SORBS2: variants seen among roughly 807,000 people sequenced by gnomAD.
SORBS2 encodes the protein sorbin and SH3 domain-containing protein 2.
A neutral mutation model predicts 97.7 loss-of-function variants in SORBS2; 46 were observed. The observed-to-expected ratio is 0.47, with a 90% CI of 0.37 to 0.60. SORBS2 has a LOEUF of 0.60. SORBS2 is among the 20% of genes least tolerant of loss of function. The probability of loss-of-function intolerance (pLI) is 0.00; values close to 1 mark genes in which losing one functional copy is unlikely to be tolerated. For missense variants in SORBS2, 1,316 were observed against 1,282.3 expected, an observed-to-expected ratio of 1.03 and a Z score of -0.40; for synonymous variants, 476 against 473.4, an observed-to-expected ratio of 1.01 and a Z score of -0.07.
At chr4:185,931,998 CTCTCTA>C (rs2099266708) in intron 1 of SORBS2, among the ~76,000 whole-genome samples, 1 of 150,392 alleles carries the variant, frequency 6.6e-6, no homozygotes, top group African/African-American at 2.4e-5. Flanking sequence ...CTCTCTCTCT[CTCTCTA>C]TATATATATA....
At chr4:185,590,044 A>G (rs2095885034) in intron 13 of SORBS2, among the ~76,000 whole-genome samples, 1 of 152,222 alleles carries the variant, frequency 6.6e-6, no homozygotes, top group African/African-American at 2.4e-5. Context: ...TATCCATGAA[A>G]ATTGTAACAT....
chr4:185,877,883 A>AAAAAAAG (rs1344109012), intron 1 of SORBS2, among the ~76,000 whole-genome samples: 65 of 145,248 alleles, frequency 4.5e-4, no homozygotes, highest in African/African-American at 8.2e-4. Context: ...ACAAAAAAAA[A>AAAAAAAG]AAAGAAAGAA....
chr4:185,785,673 G>A (rs1040882526), intron 1 of SORBS2, among the ~76,000 whole-genome samples: 2 of 152,112 alleles, frequency 1.3e-5, no homozygotes, highest in Non-Finnish European at 2.9e-5. Flanking sequence ...TAATTGTTGT[G>A]AGGCTTAAAT....
At chr4:185,727,162 C>T (rs1174045017) in intron 2 of SORBS2, among the ~76,000 whole-genome samples, 1 of 152,160 alleles carries the variant, frequency 6.6e-6, no homozygotes, top group Non-Finnish European at 1.5e-5. Flanking sequence ...TCCATGGCTA[C>T]TAAACGAGTC....
At chr4:185,757,805 A>G (rs1289615572) in intron 2 of SORBS2, among the ~76,000 whole-genome samples, 1 of 152,238 alleles carries the variant, frequency 6.6e-6, no homozygotes, top group African/African-American at 2.4e-5. Flanking sequence ...CTCTCCAGCT[A>G]GATCTATACA....
chr4:185,926,943 C>T (rs2099263995), intron 1 of SORBS2, among the ~76,000 whole-genome samples: 1 of 151,852 alleles, frequency 6.6e-6, no homozygotes, highest in Non-Finnish European at 1.5e-5. Flanking sequence ...CTATATAAGC[C>T]ACAAGCCAAG....
chr4:185,858,689 T>C (rs7660468), intron 1 of SORBS2, among the ~76,000 whole-genome samples: 82,717 of 152,042 alleles, frequency 0.54, 22,993 homozygotes, highest in East Asian at 0.79. Context: ...ACCATGATGA[T>C]TAAGATCAAA....
chr4:185,664,046 G>C (rs1297970829), intron 4 of SORBS2, among the ~76,000 whole-genome samples: 1 of 151,414 alleles, frequency 6.6e-6, no homozygotes, highest in Non-Finnish European at 1.5e-5. Flanking sequence ...AGTAGAGACG[G>C]GGTTTCACCA....
chr4:185,850,443 C>G (rs181936942), intron 1 of SORBS2, among the ~76,000 whole-genome samples: 2 of 152,248 alleles, frequency 1.3e-5, no homozygotes, highest in Admixed American at 1.3e-4. Context: ...GAGACCCAAG[C>G]AAATGACAGC....
chr4:185,789,559 A>C (rs2099071247), intron 1 of SORBS2, among the ~76,000 whole-genome samples: 1 of 150,852 alleles, frequency 6.6e-6, no homozygotes, highest in Non-Finnish European at 1.5e-5. Context: ...CAAGAAATTA[A>C]ATATAATTTC....
intron 1 of SORBS2, among the ~76,000 whole-genome samples, chr4:185,863,389 C>G (rs945329786): frequency 6.6e-6 from 1 of 152,154 alleles, no homozygotes; most frequent in African/African-American, 2.4e-5. Context: ...CAGTACTGTG[C>G]AACGTCCTAT....
chr4:185,868,147 C>CTTTTTT (rs372271322), intron 1 of SORBS2, among the ~76,000 whole-genome samples: 3 of 89,766 alleles, frequency 3.3e-5, no homozygotes, highest in African/African-American at 4.8e-5. Context: ...CTTTTCTTTT[C>CTTTTTT]TTTTTTTCTT....
intron 1 of SORBS2, among the ~76,000 whole-genome samples, chr4:185,949,265 T>C (rs958651667): frequency 1.3e-5 from 2 of 152,130 alleles, no homozygotes; most frequent in Non-Finnish European, 2.9e-5. Flanking sequence ...GGTAGGCAGG[T>C]GTCAGAGAAT....
chr4:185,814,557 C>CAAACA (rs537192192), intron 1 of SORBS2, among the ~76,000 whole-genome samples: 47 of 84,986 alleles, frequency 5.5e-4, no homozygotes, highest in African/African-American at 1.8e-3. Flanking sequence ...AGTAGCAAAA[C>CAAACA]AAACAAACAA....
chr4:185,879,105 T>C (rs951053536), intron 1 of SORBS2, among the ~76,000 whole-genome samples: 6 of 151,294 alleles, frequency 4.0e-5, no homozygotes, highest in African/African-American at 1.2e-4. Context: ...ATGTGCCATG[T>C]TGGTGTGCTG....
intron 1 of SORBS2, among the ~76,000 whole-genome samples, chr4:185,798,280 G>A (rs530922699): frequency 8.5e-5 from 13 of 152,192 alleles, no homozygotes; most frequent in Non-Finnish European, 1.9e-4. Flanking sequence ...GAATAAACTT[G>A]TGATTCTAAC....
chr4:185,768,229 G>A (rs545519568), intron 2 of SORBS2, among the ~76,000 whole-genome samples: 1 of 152,246 alleles, frequency 6.6e-6, no homozygotes, highest in East Asian at 1.9e-4. Flanking sequence ...TACGTACAAG[G>A]CTTGGTAACA....
At chr4:185,922,997 C>G (rs1013439431) in intron 1 of SORBS2, among the ~76,000 whole-genome samples, 14 of 152,118 alleles carry the variant, frequency 9.2e-5, no homozygotes, top group Admixed American at 2.0e-4. Context: ...TTCTAAGAGG[C>G]CTTTGGGAAA....
At chr4:185,625,013 AT>A (rs2096787183) in intron 6 of SORBS2, among the ~76,000 whole-genome samples, 1 of 152,208 alleles carries the variant, frequency 6.6e-6, no homozygotes, top group African/African-American at 2.4e-5. Context: ...ATATCAAATA[AT>A]TTTTTGTGGG....
Sources: gnomAD v4.1 joint callset for allele counts (sites outside exome capture counted in the v4.1 genomes callset) on GRCh38, gnomAD v4.1.1 for gene constraint, MANE v1.5 for transcripts, NCBI Gene and HGNC (gene_info 2026-07-23, HGNC 2026-07-21) for gene names.